Variants in FGFR4 observed in about 807,000 individuals in gnomAD.
FGFR4 encodes the protein fibroblast growth factor receptor 4.
Under a neutral mutation model 89.9 loss-of-function variants are expected in FGFR4, and 63 were observed. The observed-to-expected ratio is 0.70, with a 90% CI of 0.57 to 0.86. The LOEUF is 0.86. Ranked by LOEUF, FGFR4 falls within the 40% of genes least tolerant of loss-of-function variation. The probability of loss-of-function intolerance (pLI) is 0.00; values close to 1 mark genes in which losing one functional copy is unlikely to be tolerated. For synonymous variants in FGFR4, 486 were observed against 479.4 expected, an observed-to-expected ratio of 1.01 and a Z score of -0.18; for missense variants, 928 against 1,106.7, an observed-to-expected ratio of 0.84 and a Z score of 2.29.
intron 2 of FGFR4, chr5:177,089,909 G>A (rs1351909030): frequency 4.3e-5 from 32 of 739,636 alleles, no homozygotes; most frequent in Non-Finnish European, 5.9e-5. Context: ...CTTGCAGGGC[G>A]CAGGGCCCTA....
chr5:177,093,122 C>A lies in FGFR4; in HGVS notation c.1058-16C>A. On this transcript the variant is annotated splice_polypyrimidine_tract_variant and intron_variant, in intron 8 of 17. Transcript: ENST00000292408. The surrounding 1 kb of genome is among the most constrained non-coding windows in gnomAD (Gnocchi z 5.8). ...GACCAGTTTGTCTGTCTGTGTGTGT[C>A]CATGTGCGAGGGCAGAGGAGGACCC... 9 of 1,614,014 alleles carry A rather than the reference C, an allele frequency of 5.6e-6. No individual in the cohort carries two copies. Among genetic ancestry groups the A allele is most frequent in the Non-Finnish European group, 7.6e-6 (9 of 1,180,008 alleles).
rs767691270 is a variant in FGFR4 at position 177,089,587 on chromosome 5, G to C, written c.-16G>C. On this transcript the variant is annotated 5_prime_UTR_variant, in exon 2 of 18. Coordinates refer to ENST00000292408, the MANE Select transcript of FGFR4 (RefSeq NM_213647.3). ...TGGGAAGTCCAGCTTGGGTCCCTGAGAGCTGTGAGAAGGAGATGCGGCTGC... is the reference window on the plus strand; with the variant it reads ...TGGGAAGTCCAGCTTGGGTCCCTGACAGCTGTGAGAAGGAGATGCGGCTGC... 6.8e-6 allele frequency: 11 copies of C among 1,611,274 alleles called. No homozygotes were observed. In the African/African-American group the frequency reaches 1.5e-4, roughly 22 times the overall value.
chr5:177,091,380 T>TCAA (rs1395527877), intron 5 of FGFR4, among the ~76,000 whole-genome samples: 1 of 152,170 alleles, frequency 6.6e-6, no homozygotes, highest in Non-Finnish European at 1.5e-5. Flanking sequence ...ATCGTCTTGA[T>TCAA]GAGACCCTGC....
In FGFR4 at chr5:177,095,272, G is replaced by T; in HGVS notation, c.1520-58G>T. ...TGCTGCTTGTCCTGCACCTGCCTCT[G>T]CATGCTCCCTCGTGCAGTTGGAGGG... On this transcript the variant is annotated intron_variant, in intron 11 of 17. Transcript: ENST00000292408. The surrounding 1 kb of genome is among the most constrained non-coding windows in gnomAD (Gnocchi z 5.7). 1.4e-6 allele frequency: 2 copies of T among 1,415,750 alleles called. No homozygotes were observed. Among genetic ancestry groups the T allele is most frequent in the Non-Finnish European group, 1.0e-6 (1 of 1,000,462 alleles). 87.7% of individuals were successfully genotyped at this position (1,415,750 alleles called of 1,614,324 possible).
chr5:177,097,333 A>C lies in FGFR4; in HGVS notation c.2195A>C (p.Gln732Pro). 6.2e-7 allele frequency: 1 copy of C among 1,611,092 alleles called. No individual in the cohort carries two copies. Among genetic ancestry groups the C allele is most frequent in the Non-Finnish European group, 8.5e-7 (1 of 1,179,130 alleles). ...MRECWHAAPSQRPTFKQLVEA... is the reference protein window; with the variant it reads ...MRECWHAAPSPRPTFKQLVEA... Reference sequence around the variant, plus strand: ...GAGTGCTGGCACGCAGCGCCCTCCCAGAGGCCTACCTTCAAGCAGCTGGTG... The same window carrying C: ...GAGTGCTGGCACGCAGCGCCCTCCCCGAGGCCTACCTTCAAGCAGCTGGTG... The change falls in exon 17 of 18, where the codon CAG becomes CCG. Residue 732 changes from glutamine (Q) to proline (P), a missense_variant. Around this residue, in one of 5 missense-constraint regions of FGFR4, gnomAD observed 129 missense variants for 150.8 expected, o/e 0.86. Transcript: ENST00000292408.
In FGFR4 at chr5:177,092,662, G is replaced by T; in HGVS notation, c.935G>T (p.Ser312Ile). 6.2e-7 allele frequency: 1 copy of T among 1,610,172 alleles called. No homozygotes were observed. The highest frequency in any genetic ancestry group is 1.7e-4 in the Middle Eastern group (1 of 6,048). ...CCACCCCAGACTGCAGACATCAATA[G>T]CTCAGAGGTGGAGGTCCTGTACCTG... ...VQVLKTADIN[S>I]SEVEVLYLRN... is the part of the protein sequence containing the mutation. The change falls in exon 8 of 18, where the codon AGC becomes ATC. Residue 312 changes from serine (S) to isoleucine (I), a missense_variant. Physicochemically the swap from Ser to Ile is moderately radical, Grantham distance 142. Coordinates refer to ENST00000292408, the MANE Select transcript of FGFR4 (RefSeq NM_213647.3).
chr5:177,096,631 G>A lies in FGFR4; in HGVS notation c.2043G>A (p.Glu681=). Reference sequence around the variant, plus strand: ...GGTCTTTTGGGATCCTGCTATGGGAGATCTTCACCCTCGGGGGCTCCCCGT... The same window carrying A: ...GGTCTTTTGGGATCCTGCTATGGGAAATCTTCACCCTCGGGGGCTCCCCGT... ...DVWSFGILLW[E]IFTLGGSPYP... Residue 681 remains glutamate, a synonymous_variant, in exon 16 of 18, where the codon GAG becomes GAA. Coordinates refer to ENST00000292408, the MANE Select transcript of FGFR4 (RefSeq NM_213647.3). The A allele has an allele frequency of 6.2e-7, 1 of 1,613,650 alleles. No individual in the cohort carries two copies. Among genetic ancestry groups the A allele is most frequent in the Non-Finnish European group, 8.5e-7 (1 of 1,179,816 alleles).
At chr5:177,092,946 C>A in intron 8 of FGFR4, 162 bp downstream of exon 8, 1 of 1,321,252 alleles carries the variant, frequency 7.6e-7, no homozygotes, top group Non-Finnish European at 1.1e-6. Context: ...CCCTCTGTGC[C>A]TCTCCACACG....
rs772264286 is a variant in FGFR4, at chr5:177,090,905, C to T, written c.437-33C>T. ...AAGAGGAGGCCTGTGTGGGAACACA[C>T]GGTCATTCTAGGGGCCTTCCCCTGC... is the stretch of plus-strand genomic sequence containing the variant. On this transcript the variant is annotated intron_variant, in intron 4 of 17. Coordinates refer to ENST00000292408, the MANE Select transcript of FGFR4 (RefSeq NM_213647.3). The T allele has an allele frequency of 1.1e-5, 18 of 1,614,080 alleles. No homozygotes were observed. In the South Asian group the frequency reaches 1.6e-4, roughly 15 times the overall value.
Position 177,093,334 on chromosome 5 carries a change from A to G in FGFR4, c.1251+3A>G. 1 of 1,605,576 alleles carries G rather than the reference A, an allele frequency of 6.2e-7. No homozygotes were observed. Among genetic ancestry groups the G allele is most frequent in the Non-Finnish European group, 8.5e-7 (1 of 1,175,524 alleles). ...CCCGCTTCCCTCTGGCCCGACAGGTACTGGGCGCATCCCCCACCTCACATG... is the reference window on the plus strand; with the variant it reads ...CCCGCTTCCCTCTGGCCCGACAGGTGCTGGGCGCATCCCCCACCTCACATG... On this transcript the variant is annotated splice_donor_region_variant and intron_variant, in intron 9 of 17. Transcript: ENST00000292408. The surrounding 1 kb of genome is among the most constrained non-coding windows in gnomAD (Gnocchi z 5.8).
intron 5 of FGFR4, among the ~76,000 whole-genome samples, chr5:177,091,437 C>G (rs1784363978): frequency 6.6e-6 from 1 of 152,212 alleles, no homozygotes; most frequent in African/African-American, 2.4e-5. Context: ...TCAGAGAAGG[C>G]AAGGGTTGGC....
intron 1 of FGFR4, chr5:177,088,512 G>T (rs191387458): frequency 4.5e-4 from 85 of 187,390 alleles, no homozygotes; most frequent in African/African-American, 2.0e-3. Context: ...CAAGGAGGAG[G>T]AGGTGTGATA....
chr5:177,096,646 G>T lies in FGFR4; in HGVS notation c.2058G>T (p.Gly686=). ...TGCTATGGGAGATCTTCACCCTCGG[G>T]GGCTCCCCGTATCCTGGCATCCCGG... ...GILLWEIFTL[G]GSPYPGIPVE... The change falls in exon 16 of 18, where the codon GGG becomes GGT. Residue 686 remains glycine (G), a synonymous_variant. Transcript: ENST00000292408. 2 of 1,613,232 alleles carry T rather than the reference G, an allele frequency of 1.2e-6. No individual in the cohort carries two copies. The highest frequency in any genetic ancestry group is 1.7e-6 in the Non-Finnish European group (2 of 1,179,636).
intron 17 of FGFR4, 52 bp from the exon 18 acceptor site, chr5:177,097,475 G>GC: frequency 6.2e-7 from 1 of 1,602,732 alleles, no homozygotes; most frequent in Non-Finnish European, 8.5e-7. Flanking sequence ...GTGGACATGC[G>GC]CCCCGTCCCA....
At position 177,096,313 on chromosome 5, in the gene FGFR4, G is replaced by A. The variant is rs746022921; in HGVS notation, c.1971G>A (p.Ala657=). 54 of 1,613,964 alleles carry A rather than the reference G, an allele frequency of 3.3e-5. No individual in the cohort carries two copies. The highest frequency in any genetic ancestry group is 6.7e-5 in the African/African-American group (5 of 74,916). ...SNGRLPVKWM[A]PEALFDRVYT... Reference sequence around the variant, plus strand: ...GCCGCCTGCCTGTGAAGTGGATGGCGCCCGAGGCCTTGTTTGACCGGGTGT... The same window carrying A: ...GCCGCCTGCCTGTGAAGTGGATGGCACCCGAGGCCTTGTTTGACCGGGTGT... The change falls in exon 15 of 18, where the codon GCG becomes GCA. Residue 657 remains alanine (A), a synonymous_variant. Transcript: ENST00000292408.
chr5:177,093,083 C>T lies in FGFR4; in HGVS notation c.1058-55C>T, dbSNP rs1340749219. ...GACTGAGTTAGGGTGCACGGGGCGG[C>T]CAGTCTCACCACTGACCAGTTTGTC... On this transcript the variant is annotated intron_variant, in intron 8 of 17. Coordinates refer to ENST00000292408, the MANE Select transcript of FGFR4 (RefSeq NM_213647.3). The surrounding 1 kb of genome is among the most constrained non-coding windows in gnomAD (Gnocchi z 5.8). 1.9e-6 allele frequency: 3 copies of T among 1,599,698 alleles called. No homozygotes were observed. Among genetic ancestry groups the T allele is most frequent in the Non-Finnish European group, 2.6e-6 (3 of 1,167,474 alleles).
In FGFR4 at chr5:177,095,700, A is replaced by G. The variant is rs899339318; in HGVS notation, c.1798A>G (p.Met600Val). The change falls in exon 13 of 18, where the codon ATG becomes GTG. Residue 600 changes from methionine (M) to valine (V), a missense_variant. Met to Val is a conservative substitution (Grantham distance 21). This residue lies in a region of FGFR4 where 741 missense variants were observed against 836.9 expected (regional missense o/e 0.89). Coordinates refer to ENST00000292408, the MANE Select transcript of FGFR4 (RefSeq NM_213647.3). The surrounding 1 kb of genome is among the most constrained non-coding windows in gnomAD (Gnocchi z 5.7). ...CTGCGCCTACCAGGTGGCCCGAGGC[A>G]TGCAGTATCTGGAGTCCCGGAAGGT... ...VSCAYQVARGMQYLESRKCIH... is the reference protein window; with the variant it reads ...VSCAYQVARGVQYLESRKCIH... 6.5e-5 allele frequency: 104 copies of G among 1,607,940 alleles called. No individual in the cohort carries two copies. Among genetic ancestry groups the G allele is most frequent in the Non-Finnish European group, 8.8e-5 (104 of 1,178,566 alleles).
In FGFR4 at chr5:177,095,967, A is replaced by G. The variant is rs1456786394; in HGVS notation, c.1822-90A>G. On this transcript the variant is annotated intron_variant, in intron 13 of 17. Transcript: ENST00000292408. This position sits in a 1 kb window ranked among gnomAD's most constrained non-coding sequence, Gnocchi z 5.7. ...ACCTCCTCCTCTGTAAAGTGGGTGG[A>G]GGGCCCCTGCCCCCGGGCCTGCTGG... 2 of 1,509,674 alleles carry G rather than the reference A, an allele frequency of 1.3e-6. No homozygotes were observed. Among genetic ancestry groups the G allele is most frequent in the African/African-American group, 1.4e-5 (1 of 72,322 alleles). 93.5% of individuals were successfully genotyped at this position (1,509,674 alleles called of 1,614,324 possible). A position where few individuals can be genotyped will look rare whatever the true frequency, so the allele number is the denominator to read the frequency against.
rs1784673760 is a variant in FGFR4 at position 177,098,019 on chromosome 5, G to A, written c.*343G>A. On this transcript the variant is annotated 3_prime_UTR_variant, in exon 18 of 18. Coordinates refer to ENST00000292408, the MANE Select transcript of FGFR4 (RefSeq NM_213647.3). The surrounding 1 kb of genome is among the most constrained non-coding windows in gnomAD (Gnocchi z 4.5). ...TTTCCCCACACCTCCCCCTGCTGCT[G>A]CTGCCCCAGCGTCTTGACGGGAGCA... The A allele has an allele frequency of 3.5e-6, 1 of 285,350 alleles. No individual in the cohort carries two copies. Among genetic ancestry groups the A allele is most frequent in the Non-Finnish European group, 6.5e-6 (1 of 153,152 alleles). The allele number at this position is 285,350 out of a possible 1,614,324, so 17.7% of individuals were successfully genotyped here. A position where few individuals can be genotyped will look rare whatever the true frequency, so the allele number is the denominator to read the frequency against.
Sources: allele counts gnomAD v4.1 joint callset (sites outside exome capture counted in the v4.1 genomes callset), GRCh38; gene constraint gnomAD v4.1.1; regional missense constraint gnomAD v4.1.1; non-coding constraint Gnocchi (gnomAD v3.1); transcripts MANE v1.5; gene names NCBI Gene and HGNC (gene_info 2026-07-23, HGNC 2026-07-21).